ALG13: variants seen among roughly 807,000 people sequenced by gnomAD.
The protein encoded by ALG13 is UDP-N-acetylglucosamine transferase subunit ALG13.
Under a neutral mutation model 87.8 loss-of-function variants are expected in ALG13, and 11 were observed. The ratio of observed to expected loss-of-function variants is 0.13; its 90% CI spans 0.08 to 0.21. The LOEUF is 0.21. ALG13 is among the 10% of genes least tolerant of loss of function. The pLI is 1.00. For synonymous variants in ALG13, 320 were observed against 306.3 expected, an observed-to-expected ratio of 1.04 and a Z score of -0.47; for missense variants, 756 against 866.1, an observed-to-expected ratio of 0.87 and a Z score of 1.60.
At chrX:111,713,060 A>G (rs1318625156) in intron 7 of ALG13, among the ~76,000 whole-genome samples, 165 bp from the exon 8 acceptor site, 1 of 111,790 alleles carries the variant, frequency 8.9e-6, no homozygotes, top group Non-Finnish European at 1.9e-5. Context: ...AATTAACATC[A>G]TTTAGCCCTT....
intron 10 of ALG13, among the ~76,000 whole-genome samples, chrX:111,719,152 G>A (rs769935573): frequency 3.7e-5 from 4 of 107,141 alleles, no homozygotes; most frequent in Admixed American, 1.0e-4. Flanking sequence ...TCAGCCTCCC[G>A]AGTAGCTGGG....
At chrX:111,724,390 T>C (rs1475178880) in intron 14 of ALG13, among the ~76,000 whole-genome samples, 1 of 111,861 alleles carries the variant, frequency 8.9e-6, no homozygotes, top group Non-Finnish European at 1.9e-5. Context: ...ATGCTGCTGG[T>C]CCACTTTGAG....
In ALG13 at chrX:111,700,057, G is replaced by C. The variant is rs181468978; in HGVS notation, c.384-7970G>C. Among the ~76,000 whole-genome samples, 5 of 85,955 alleles carry C rather than the reference G, an allele frequency of 5.8e-5. No homozygotes were observed. The East Asian group carries it at 1.7e-3, about 30-fold the overall frequency. The allele number at this position is 85,955 out of a possible 115,157, so 74.6% of individuals were successfully genotyped here. On this transcript the variant is annotated intron_variant, in intron 3 of 26. Coordinates refer to ENST00000394780, the MANE Select transcript of ALG13 (RefSeq NM_001099922.3). ...TTGTGGGTTTTTTTTTTTTTTTTCA[G>C]TTTTTTTCATGAGTGTTTTATAGTT...
rs1939118137 is a variant in ALG13 at position 111,708,182 on chromosome X, C to T, written c.539C>T (p.Pro180Leu). Residue 180 changes from proline (P) to leucine (L), a missense_variant, in exon 4 of 27, where the codon CCT (proline) becomes CTT (leucine). By Grantham distance (98) the Pro-to-Leu change is moderately conservative. Around this residue, in one of 9 missense-constraint regions of ALG13, gnomAD observed 153 missense variants for 168.7 expected, o/e 0.91. Transcript: ENST00000394780. ...CAAGCCCTTGTTACTGCTACCCATC[C>T]TACCTGCACCCTGCTTTTTCCCTCT... is the stretch of plus-strand genomic sequence containing the variant. The part of the protein sequence containing the change: ...HKQALVTATH[P>L]TCTLLFPSCH... 1.7e-6 allele frequency: 2 copies of T among 1,211,781 alleles called. No homozygotes were observed. Among genetic ancestry groups the T allele is most frequent in the Non-Finnish European group, 2.2e-6 (2 of 895,400 alleles).
intron 4 of ALG13, 75 bp from the exon 5 acceptor site, chrX:111,708,890 A>T (rs935628993): frequency 2.5e-5 from 16 of 639,787 alleles, no homozygotes; most frequent in Non-Finnish European, 3.3e-5. Context: ...TTAAGTGTCC[A>T]GTTCATAGTC....
At chrX:111,689,547 T>C (rs1406957251) in intron 3 of ALG13, 1 of 753,501 alleles carries the variant, frequency 1.3e-6, no homozygotes, top group African/African-American at 2.3e-5. Context: ...TTGTTGTCAA[T>C]TGTGTGCAGT....
At chrX:111,700,038 GTTTT>G (rs779900750) in intron 3 of ALG13, among the ~76,000 whole-genome samples, 4 of 78,773 alleles carry the variant, frequency 5.1e-5, no homozygotes, top group Non-Finnish European at 7.4e-5. Flanking sequence ...TTATTTGTGG[GTTTT>G]TTTTTTTTTT....
chrX:111,745,279 A>G (rs1425079796), intron 24 of ALG13, among the ~76,000 whole-genome samples: 2 of 111,493 alleles, frequency 1.8e-5, no homozygotes, highest in Non-Finnish European at 3.8e-5. Context: ...CCATAAGTGC[A>G]TGAATTATTG....
chrX:111,727,688 G>C lies in ALG13; in HGVS notation c.2165G>C (p.Gly722Ala). ...CAGTATGGATTTACCCCAGGGAATG[G>C]ACAGATGCCCAGGGGCTTGGAAGAA... ...ESQYGFTPGN[G>A]QMPRGLEETI... The change falls in exon 18 of 27, where the codon GGA becomes GCA. Residue 722 changes from glycine to alanine, a missense_variant. Coordinates refer to ENST00000394780, the MANE Select transcript of ALG13 (RefSeq NM_001099922.3). 1 of 1,209,491 alleles carries C rather than the reference G, an allele frequency of 8.3e-7. No homozygotes were observed. Among genetic ancestry groups the C allele is most frequent in the Non-Finnish European group, 1.1e-6 (1 of 893,838 alleles).
chrX:111,694,247 A>T lies in ALG13; in HGVS notation c.383+9144A>T, dbSNP rs976362809. On this transcript the variant is annotated intron_variant, in intron 3 of 26. Coordinates refer to ENST00000394780, the MANE Select transcript of ALG13 (RefSeq NM_001099922.3). Reference sequence around the variant, plus strand: ...TTTTTGGTAGAGACAGGGTTTCACCATGTTAGCCAGGATGGTCTCGATCTC... The same window carrying T: ...TTTTTGGTAGAGACAGGGTTTCACCTTGTTAGCCAGGATGGTCTCGATCTC... 5.5e-5 allele frequency among the ~76,000 whole-genome samples: 6 copies of T among 109,820 alleles called. 1 individual carries two copies.
intron 7 of ALG13, among the ~76,000 whole-genome samples, chrX:111,712,936 A>G (rs905704847): frequency 1.8e-5 from 2 of 110,868 alleles, no homozygotes; most frequent in Admixed American, 9.6e-5. Flanking sequence ...CCATCCCCCA[A>G]CTCACAGACA....
rs1057522348 is a variant in ALG13, at chrX:111,684,993, A to G, written c.273A>G (p.Glu91=). ...CAGGAAGCTGTTTGGAGACTCTGGAAAAAGGAAAGCCACTCGTAGTGGTTA... is the reference window on the plus strand; with the variant it reads ...CAGGAAGCTGTTTGGAGACTCTGGAGAAAGGAAAGCCACTCGTAGTGGTTA... ...AGAGSCLETL[E]KGKPLVVVIN... Residue 91 remains glutamate (E), a synonymous_variant, in exon 3 of 27, where the codon GAA becomes GAG. Transcript: ENST00000394780. 2.3e-5 allele frequency: 28 copies of G among 1,207,997 alleles called. No homozygotes were observed. Among genetic ancestry groups the G allele is most frequent in the Non-Finnish European group, 2.9e-5 (26 of 894,306 alleles).
chrX:111,729,093 C>T (rs940796765), intron 19 of ALG13, among the ~76,000 whole-genome samples: 9 of 111,436 alleles, frequency 8.1e-5, no homozygotes, highest in Non-Finnish European at 1.5e-4. Flanking sequence ...AGGAGCCATT[C>T]CCCATTTGCC....
intron 24 of ALG13, among the ~76,000 whole-genome samples, chrX:111,746,582 C>A (rs1265094457): frequency 9.0e-6 from 1 of 111,729 alleles, no homozygotes; most frequent in Non-Finnish European, 1.9e-5. Flanking sequence ...TGATAGATAG[C>A]TGGACTGTTT....
rs56717389 is a variant in ALG13 at position 111,744,768 on chromosome X, ACCTCCTCCT to A, written c.2827_2835del (p.Pro943_Pro945del). 120 of 594,303 alleles carry A rather than the reference ACCTCCTCCT, an allele frequency of 2.0e-4. No individual in the cohort carries two copies. Among genetic ancestry groups the A allele is most frequent in the South Asian group, 7.5e-4 (18 of 24,102 alleles). The allele number at this position is 594,303 out of a possible 1,213,427, so 49.0% of individuals were successfully genotyped here. A position where few individuals can be genotyped will look rare whatever the true frequency, so the allele number is the denominator to read the frequency against. ...CACCACCACCACCACCACCACCACC[ACCTCCTCCT>A]CCTCCTCCTCCTCCTCCTCCTCCTC... On this transcript the variant is annotated inframe_deletion, in exon 24 of 27. Transcript: ENST00000394780.
intron 22 of ALG13, 83 bp from the exon 23 acceptor site, chrX:111,736,631 C>T (rs915352979): frequency 1.1e-6 from 1 of 908,417 alleles, no homozygotes; most frequent in Non-Finnish European, 1.5e-6. Context: ...AAACTAATTA[C>T]TATTTTCTGA....
chrX:111,701,803 AC>A (rs1015953047), intron 3 of ALG13, among the ~76,000 whole-genome samples: 2 of 111,340 alleles, frequency 1.8e-5, no homozygotes, highest in Non-Finnish European at 3.8e-5. Flanking sequence ...GGCATTTACC[AC>A]TATAAATTTC....
At chrX:111,746,876 G>T (rs1944288040) in intron 24 of ALG13, among the ~76,000 whole-genome samples, 1 of 111,461 alleles carries the variant, frequency 9.0e-6, no homozygotes, top group Admixed American at 9.5e-5. Context: ...TATCCATTCT[G>T]GTGACTGATC....
At chrX:111,739,466 C>T (rs1045099451) in intron 23 of ALG13, among the ~76,000 whole-genome samples, 3 of 111,825 alleles carry the variant, frequency 2.7e-5, no homozygotes, top group East Asian at 2.8e-4. Flanking sequence ...GAATATTGAC[C>T]CAGAGCAATA....
Sources: allele counts gnomAD v4.1 joint callset (sites outside exome capture counted in the v4.1 genomes callset), GRCh38; gene constraint gnomAD v4.1.1; regional missense constraint gnomAD v4.1.1; transcripts MANE v1.5; gene names NCBI Gene and HGNC (gene_info 2026-07-23, HGNC 2026-07-21).